The following NRXN3 variants were observed in gnomAD, a reference collection of about 807,000 sequenced individuals.
NRXN3 encodes the protein neurexin 3, also known as neurexin III.
A neutral mutation model predicts 137.6 loss-of-function variants in NRXN3; 32 were observed. The ratio of observed to expected loss-of-function variants is 0.23; its 90% CI spans 0.18 to 0.31. The LOEUF (loss-of-function observed/expected upper bound fraction) is 0.31. NRXN3 is among the 10% of genes least tolerant of loss of function. The pLI is 1.00. For missense variants in NRXN3, 1,574 were observed against 2,062.5 expected, an observed-to-expected ratio of 0.76 and a Z score of 4.59; for synonymous variants, 798 against 784.5, an observed-to-expected ratio of 1.02 and a Z score of -0.29.
At chr14:78,724,205 G>T (rs1035397507) in intron 8 of NRXN3, among the ~76,000 whole-genome samples, 4 of 152,136 alleles carry the variant, frequency 2.6e-5, no homozygotes, top group African/African-American at 7.2e-5. Flanking sequence ...GATGACACCC[G>T]ATACTGAGTA....
In NRXN3 at chr14:78,802,097, A is replaced by G. The variant is rs538896264; in HGVS notation, c.2045-1523A>G. Among the ~76,000 whole-genome samples the G allele has an allele frequency of 3.9e-5, 6 of 152,346 alleles. No homozygotes were observed. In the South Asian group the frequency reaches 1.0e-3, roughly 26 times the overall value. The stretch of plus-strand genomic sequence containing the variant: ...GAACCCAATGACTGGTTTGATTCCT[A>G]GGAATGTGAGTGATATTCTCTTCCT... On this transcript the variant is annotated intron_variant, in intron 8 of 20. Coordinates refer to ENST00000335750, the MANE Select transcript of NRXN3 (RefSeq NM_001330195.2).
At chr14:78,467,962 C>A (rs1260689545) in intron 4 of NRXN3, among the ~76,000 whole-genome samples, 2 of 151,850 alleles carry the variant, frequency 1.3e-5, no homozygotes, top group Admixed American at 1.3e-4. Flanking sequence ...CTCGTTCTGT[C>A]GCACAGGCTG....
chr14:79,290,249 C>T (rs1338717385), intron 15 of NRXN3, among the ~76,000 whole-genome samples: 1 of 152,132 alleles, frequency 6.6e-6, no homozygotes, highest in African/African-American at 2.4e-5. Context: ...ATTTAGGCTG[C>T]TTTTCTGTGT....
At chr14:79,289,672 T>G (rs2082844989) in intron 15 of NRXN3, among the ~76,000 whole-genome samples, 1 of 152,034 alleles carries the variant, frequency 6.6e-6, no homozygotes, top group Admixed American at 6.6e-5. Context: ...TGGCTTTGTG[T>G]GCCAAGGTAG....
Position 78,759,205 on chromosome 14 carries a change from C to G in NRXN3, c.2044+44066C>G, listed in dbSNP as rs143830166. Among the ~76,000 whole-genome samples the G allele has an allele frequency of 1.6e-3, 238 of 152,290 alleles. 5 individuals carry two copies. The East Asian group carries it at 0.035, about 22-fold the overall frequency. On this transcript the variant is annotated intron_variant, in intron 8 of 20. Transcript: ENST00000335750. The stretch of plus-strand genomic sequence containing the variant: ...AGGCAATGCATTAAAAAAGCTCACA[C>G]TCTGCCTCATGTAATCAATGCCATC...
At chr14:79,777,558 A>G (rs979443763) in intron 19 of NRXN3, among the ~76,000 whole-genome samples, 1 of 152,088 alleles carries the variant, frequency 6.6e-6, no homozygotes, top group Non-Finnish European at 1.5e-5. Context: ...GTGGAAAAGT[A>G]TATCACAAGG....
intron 15 of NRXN3, among the ~76,000 whole-genome samples, chr14:79,393,053 G>A (rs1440623178): frequency 6.6e-6 from 1 of 151,886 alleles, no homozygotes; most frequent in Admixed American, 6.6e-5. Context: ...TATACTGTTG[G>A]TGGGAGTGTA....
intron 9 of NRXN3, among the ~76,000 whole-genome samples, chr14:78,808,919 T>C (rs191025076): frequency 5.5e-4 from 84 of 152,190 alleles, no homozygotes; most frequent in African/African-American, 2.0e-3. Flanking sequence ...GAAGAGTACT[T>C]TGTGACTATA....
intron 15 of NRXN3, among the ~76,000 whole-genome samples, chr14:79,194,003 G>C (rs926805366): frequency 2.6e-5 from 4 of 152,170 alleles, no homozygotes; most frequent in African/African-American, 9.7e-5. Flanking sequence ...TTGAAAATCA[G>C]AAGTGTTTTA....
intron 18 of NRXN3, among the ~76,000 whole-genome samples, chr14:79,692,646 C>T (rs2098720744): frequency 6.6e-6 from 1 of 151,892 alleles, no homozygotes; most frequent in African/African-American, 2.4e-5. Context: ...TAAACTTACA[C>T]CTGGAGGCTG....
At chr14:79,024,155 C>T (rs746584074) in intron 15 of NRXN3, among the ~76,000 whole-genome samples, 1 of 152,058 alleles carries the variant, frequency 6.6e-6, no homozygotes, top group Non-Finnish European at 1.5e-5. Flanking sequence ...CAATGTGCAA[C>T]TCAAGAAAAT....
intron 4 of NRXN3, among the ~76,000 whole-genome samples, chr14:78,313,401 C>T (rs2078200248): frequency 6.6e-6 from 1 of 152,174 alleles, no homozygotes; most frequent in Non-Finnish European, 1.5e-5. Context: ...TCCAGCACTA[C>T]TTCTTTCTTA....
rs564248899 is a variant in NRXN3, at chr14:78,176,892, C to T, written c.-704+6218C>T. On this transcript the variant is annotated intron_variant, in intron 1 of 20. Transcript: ENST00000335750. ...GTGGTAGGTGTGTCTCTAAGGAAGG[C>T]ACACTTGCAGAGCTAGAGGTCAGGG... Among the ~76,000 whole-genome samples, 8 of 152,082 alleles carry T rather than the reference C, an allele frequency of 5.3e-5. No homozygotes were observed. The South Asian group carries it at 1.7e-3, about 32-fold the overall frequency.
chr14:79,210,080 T>C (rs1413520578), intron 15 of NRXN3, among the ~76,000 whole-genome samples: 2 of 152,192 alleles, frequency 1.3e-5, no homozygotes, highest in African/African-American at 2.4e-5. Context: ...ATAAGTTTGG[T>C]AGAACTTTTC....
intron 15 of NRXN3, among the ~76,000 whole-genome samples, chr14:79,028,894 T>C (rs1277127545): frequency 3.9e-5 from 6 of 152,154 alleles, no homozygotes; most frequent in African/African-American, 1.4e-4. Context: ...CCATTCTAAA[T>C]GTAACTCTTG....
intron 10 of NRXN3, among the ~76,000 whole-genome samples, chr14:78,855,736 G>T (rs571515379): frequency 2.0e-3 from 303 of 152,244 alleles, no homozygotes; most frequent in Non-Finnish European, 3.2e-3. Context: ...TTACTTTGGG[G>T]TATTGCTCCA....
chr14:78,849,059 A>G (rs8005492), intron 10 of NRXN3, among the ~76,000 whole-genome samples: 4,771 of 152,216 alleles, frequency 0.031, 245 homozygotes, highest in African/African-American at 0.1. Flanking sequence ...ATTAATATTT[A>G]AAGTGGTTTA....
rs138714567 is a variant in NRXN3, at chr14:79,319,640, T to A, written c.3263-147581T>A. On this transcript the variant is annotated intron_variant, in intron 15 of 20. Transcript: ENST00000335750. The stretch of plus-strand genomic sequence containing the variant: ...TGTGAGATGTGGTCTTCTAGTTCAT[T>A]CCACTGGTGATATAGAGCCTTTCCT... Among the ~76,000 whole-genome samples, 1,023 of 152,326 alleles carry A rather than the reference T, an allele frequency of 6.7e-3. 10 individuals are homozygous for A. Among genetic ancestry groups the A allele is most frequent in the African/African-American group, 0.024 (988 of 41,576 alleles).
chr14:78,824,937 C>T (rs537860536), intron 10 of NRXN3, among the ~76,000 whole-genome samples: 8 of 152,080 alleles, frequency 5.3e-5, no homozygotes, highest in African/African-American at 1.9e-4. Context: ...TAAATATATA[C>T]ACCTACTATG....
Sources: gnomAD v4.1 joint callset for allele counts (sites outside exome capture counted in the v4.1 genomes callset) on GRCh38, gnomAD v4.1.1 for gene constraint, MANE v1.5 for transcripts, NCBI Gene and HGNC (gene_info 2026-07-23, HGNC 2026-07-21) for gene names.